SYNE1: variants seen among roughly 807,000 people sequenced by gnomAD.
The protein encoded by SYNE1 is spectrin repeat containing nuclear envelope protein 1.
SYNE1 carries 616 observed loss-of-function variants against 1,111.0 expected under a neutral mutation model. The ratio of observed to expected loss-of-function variants is 0.55; its 90% CI spans 0.52 to 0.59. The LOEUF is 0.59. Ranked by LOEUF, SYNE1 falls within the 20% of genes least tolerant of loss-of-function variation. SYNE1 has a pLI of 0.00. For missense variants in SYNE1, 10,006 were observed against 10,417.0 expected, an observed-to-expected ratio of 0.96 and a Z score of 1.72; for synonymous variants, 3,855 against 3,825.8, an observed-to-expected ratio of 1.01 and a Z score of -0.28.
rs760324463 is a variant in SYNE1, at chr6:152,628,351, AG to A, written c.-21del. 5 of 1,613,902 alleles carry A rather than the reference AG, an allele frequency of 3.1e-6. No homozygotes were observed. The Admixed American group carries it at 8.3e-5, about 27-fold the overall frequency. ...TGCCATGGTCCCTCCGGAAGCACGAAGCCAACACCAAGAGACTCTTCACTGG... is the reference window on the plus strand; with the variant it reads ...TGCCATGGTCCCTCCGGAAGCACGAACCAACACCAAGAGACTCTTCACTGG... On this transcript the variant is annotated 5_prime_UTR_variant, in exon 3 of 146. Coordinates refer to ENST00000367255, the MANE Select transcript of SYNE1 (RefSeq NM_182961.4).
chr6:152,374,413 T>A (rs2097244048), intron 58 of SYNE1, among the ~76,000 whole-genome samples: 1 of 152,216 alleles, frequency 6.6e-6, no homozygotes, highest in Non-Finnish European at 1.5e-5. Flanking sequence ...TCTTAATGGA[T>A]GGCCATCCCT....
intron 131 of SYNE1, among the ~76,000 whole-genome samples, chr6:152,162,358 T>C (rs1464825841): frequency 6.6e-6 from 1 of 152,216 alleles, no homozygotes; most frequent in East Asian, 1.9e-4. Context: ...TCCTGTTCTC[T>C]TTGCCATTGT....
At position 152,234,667 on chromosome 6, in the gene SYNE1, C is replaced by T; in HGVS notation, c.20529+1G>A. On this transcript the variant is annotated splice_donor_variant, in intron 111 of 145. Coordinates refer to ENST00000367255, the MANE Select transcript of SYNE1 (RefSeq NM_182961.4). LOFTEE classifies it high-confidence loss of function. Reference sequence around the variant, plus strand: ...CAAATGCTTTAGATTCTTAGACTTACCAGGAAAGCATTTAGATGATCACGG... The same window carrying T: ...CAAATGCTTTAGATTCTTAGACTTATCAGGAAAGCATTTAGATGATCACGG... The T allele has an allele frequency of 1.2e-6, 2 of 1,614,144 alleles. No homozygotes were observed. Among genetic ancestry groups the T allele is most frequent in the Non-Finnish European group, 8.5e-7 (1 of 1,180,028 alleles).
chr6:152,481,660 G>T, intron 14 of SYNE1: 1 of 401,126 alleles, frequency 2.5e-6, no homozygotes, highest in Non-Finnish European at 4.9e-6. Context: ...TTGCTAATTT[G>T]CTAAAGATGT....
chr6:152,380,961 T>G (rs1319099345), intron 56 of SYNE1, 45 bp downstream of exon 56: 3 of 1,590,992 alleles, frequency 1.9e-6, no homozygotes, highest in Non-Finnish European at 2.6e-6. Context: ...AGTCAAAACA[T>G]TTTTTAAAGC....
At chr6:152,317,808 A>G (rs2095770015) in intron 86 of SYNE1, among the ~76,000 whole-genome samples, 1 of 152,212 alleles carries the variant, frequency 6.6e-6, no homozygotes, top group Non-Finnish European at 1.5e-5. Flanking sequence ...TCATTCTACA[A>G]AATACTTCTC....
chr6:152,385,931 A>T, intron 54 of SYNE1, 93 bp from the exon 55 acceptor site: 2 of 1,138,968 alleles, frequency 1.8e-6, no homozygotes, highest in Non-Finnish European at 2.6e-6. Context: ...CTCTTAACAC[A>T]TCTCAGAAAA....
intron 144 of SYNE1, among the ~76,000 whole-genome samples, chr6:152,131,915 G>C (rs1013445928): frequency 6.6e-6 from 1 of 152,186 alleles, no homozygotes; most frequent in Non-Finnish European, 1.5e-5. Context: ...GTTGAGTCCT[G>C]ATTCTTTTGA....
Position 152,416,567 on chromosome 6 carries a change from C to T in SYNE1, c.5870G>A (p.Gly1957Glu). The T allele has an allele frequency of 6.2e-7, 1 of 1,614,110 alleles. No individual in the cohort carries two copies. The highest frequency in any genetic ancestry group is 8.5e-7 in the Non-Finnish European group (1 of 1,180,006). The change falls in exon 41 of 146, where the codon GGA (glycine) becomes GAA (glutamate). Residue 1957 changes from glycine to glutamate, a missense_variant. Around this residue, in one of 7 missense-constraint regions of SYNE1, gnomAD observed 4,955 missense variants for 5,017.2 expected, o/e 0.99. Transcript: ENST00000367255. ...SCRATADQLC[G>E]EVERIQNLLG... Reference sequence around the variant, plus strand: ...AAGGTTCTGGATCCTCTCTACCTCTCCACAGAGCTGATCAGCCGTGGCTCT... The same window carrying T: ...AAGGTTCTGGATCCTCTCTACCTCTTCACAGAGCTGATCAGCCGTGGCTCT...
At chr6:152,461,368 T>A (rs2098733195) in intron 21 of SYNE1, among the ~76,000 whole-genome samples, 1 of 152,214 alleles carries the variant, frequency 6.6e-6, no homozygotes, top group South Asian at 2.1e-4. Flanking sequence ...TAACTTTCTA[T>A]TAAAATATAG....
At chr6:152,464,172 T>C (rs6932381) in intron 18 of SYNE1, among the ~76,000 whole-genome samples, 4,865 of 152,270 alleles carry the variant, frequency 0.032, 268 homozygotes, top group African/African-American at 0.11. Flanking sequence ...ACTTTCTTAT[T>C]TATTTAAGGG....
chr6:152,265,785 C>A (rs2092641788), intron 100 of SYNE1, among the ~76,000 whole-genome samples: 1 of 152,130 alleles, frequency 6.6e-6, no homozygotes, highest in Non-Finnish European at 1.5e-5. Context: ...CCTCCATCAA[C>A]CCTCGACAAG....
chr6:152,472,251 C>T (rs1316725993), intron 15 of SYNE1, 50 bp downstream of exon 15: 1 of 1,435,594 alleles, frequency 7.0e-7, no homozygotes, highest in Admixed American at 1.7e-5. Flanking sequence ...AAAAAGCGTC[C>T]ACCTAGTGTT....
At chr6:152,155,516 C>T (rs1039536155) in intron 132 of SYNE1, 2 of 322,396 alleles carry the variant, frequency 6.2e-6, no homozygotes, top group Admixed American at 4.5e-5. Context: ...CCATGATGAT[C>T]ACTTTGTAAC....
rs935958519 is a variant in SYNE1, at chr6:152,350,661, T to C, written c.11690A>G (p.Asp3897Gly). 3 of 1,614,140 alleles carry C rather than the reference T, an allele frequency of 1.9e-6. No homozygotes were observed. Among genetic ancestry groups the C allele is most frequent in the Non-Finnish European group, 2.5e-6 (3 of 1,180,010 alleles). Reference sequence around the variant, plus strand: ...GTCCTGGTAATCACTTTGAAGTTGATCTATTTTGTCCTTTAAAGTGACGTC... The same window carrying C: ...GTCCTGGTAATCACTTTGAAGTTGACCTATTTTGTCCTTTAAAGTGACGTC... ...VQDVTLKDKI[D>G]QLQSDYQDLC... The change falls in exon 71 of 146, where the codon GAT becomes GGT. Residue 3897 changes from aspartate (D) to glycine (G), a missense_variant. Asp to Gly is a moderately conservative substitution (Grantham distance 94, BLOSUM62 -1). This residue lies in a region of SYNE1 where 4,955 missense variants were observed against 5,017.2 expected (regional missense o/e 0.99). Transcript: ENST00000367255.
At chr6:152,326,986 C>G (rs971443114) in intron 78 of SYNE1, among the ~76,000 whole-genome samples, 6 of 152,136 alleles carry the variant, frequency 3.9e-5, no homozygotes, top group Admixed American at 2.6e-4. Flanking sequence ...AGTAATGTCT[C>G]CGTTGGTTAG....
intron 3 of SYNE1, among the ~76,000 whole-genome samples, chr6:152,543,468 C>T (rs2099283755): frequency 6.6e-6 from 1 of 152,026 alleles, no homozygotes; most frequent in African/African-American, 2.4e-5. Context: ...AATCTGATAC[C>T]AACAACATAA....
At chr6:152,214,787 T>C in intron 122 of SYNE1, 119 bp downstream of exon 122, 1 of 1,356,374 alleles carries the variant, frequency 7.4e-7, no homozygotes, top group Non-Finnish European at 1.0e-6. Flanking sequence ...TCTCCAGAAC[T>C]GTGAGACTGT....
At chr6:152,139,844 T>A (rs1475631185) in intron 140 of SYNE1, 106 bp downstream of exon 140, 1 of 1,225,968 alleles carries the variant, frequency 8.2e-7, no homozygotes, top group Non-Finnish European at 1.2e-6. Context: ...TTAGATCCCT[T>A]TTCTGCTGCT....
Sources: allele counts gnomAD v4.1 joint callset (sites outside exome capture counted in the v4.1 genomes callset), GRCh38; gene constraint gnomAD v4.1.1; regional missense constraint gnomAD v4.1.1; transcripts MANE v1.5; gene names NCBI Gene and HGNC (gene_info 2026-07-23, HGNC 2026-07-21).